Variants in APBA1 observed in about 807,000 individuals in gnomAD.
The protein encoded by APBA1 is amyloid beta precursor protein binding family A member 1.
In APBA1, 55 loss-of-function variants were observed where a neutral mutation model predicts 86.6. That is an observed-to-expected ratio of 0.64 (90% CI 0.51 to 0.80). APBA1 has a LOEUF of 0.80. APBA1 is among the 30% of genes least tolerant of loss of function. APBA1 has a pLI of 0.00. For missense variants in APBA1, 1,090 were observed against 1,183.0 expected (o/e 0.92, Z 1.15); for synonymous variants, 511 against 493.9 (o/e 1.03, Z -0.46).
At chr9:69,564,215 C>T (rs1046934734) in intron 1 of APBA1, among the ~76,000 whole-genome samples, 21 of 152,134 alleles carry the variant, frequency 1.4e-4, no homozygotes, top group Non-Finnish European at 2.8e-4. Context: ...AGAGCAGGGG[C>T]AATTTAATCT....
chr9:69,596,909 A>T (rs2133969800), intron 1 of APBA1, among the ~76,000 whole-genome samples: 1 of 152,328 alleles, frequency 6.6e-6, no homozygotes, highest in African/African-American at 2.4e-5. Context: ...TTGAAAAGTG[A>T]CAGCTGAAAT....
At chr9:69,472,183 GATTT>G (rs1189045694) in intron 3 of APBA1, among the ~76,000 whole-genome samples, 2 of 152,146 alleles carry the variant, frequency 1.3e-5, no homozygotes, top group Admixed American at 6.5e-5. Context: ...ATCTCCTACT[GATTT>G]ATTTTAGTTG....
chr9:69,606,231 T>G (rs540686948), intron 1 of APBA1, among the ~76,000 whole-genome samples: 1 of 152,242 alleles, frequency 6.6e-6, no homozygotes, highest in African/African-American at 2.4e-5. Context: ...GAAACCCAAC[T>G]ATGGCAAATG....
intron 2 of APBA1, among the ~76,000 whole-genome samples, chr9:69,496,430 G>A (rs999066532): frequency 2.6e-5 from 4 of 152,120 alleles, no homozygotes; most frequent in African/African-American, 7.2e-5. Flanking sequence ...ACAATCCACA[G>A]CTGGCAAATC....
At chr9:69,444,284 T>A (rs546278457) in intron 10 of APBA1, among the ~76,000 whole-genome samples, 2 of 152,310 alleles carry the variant, frequency 1.3e-5, no homozygotes, top group African/African-American at 4.8e-5. Context: ...ATGAGTGTGA[T>A]TCTCCCTGGG....
intron 11 of APBA1, among the ~76,000 whole-genome samples, chr9:69,437,214 T>C (rs968329692): frequency 6.6e-6 from 1 of 151,832 alleles, no homozygotes; most frequent in African/African-American, 2.4e-5. Flanking sequence ...TCAATGTTCA[T>C]CAACGATATT....
chr9:69,619,121 A>C (rs1039692128), intron 1 of APBA1, among the ~76,000 whole-genome samples: 1 of 152,214 alleles, frequency 6.6e-6, no homozygotes, highest in Non-Finnish European at 1.5e-5. Context: ...AATGAAACAG[A>C]GTATTTGTTA....
At chr9:69,592,323 G>A (rs1436913654) in intron 1 of APBA1, among the ~76,000 whole-genome samples, 2 of 152,214 alleles carry the variant, frequency 1.3e-5, no homozygotes, top group African/African-American at 4.8e-5. Context: ...CCAGACAGAA[G>A]CAGTGGCTCT....
chr9:69,510,279 A>G (rs200246162), intron 2 of APBA1, among the ~76,000 whole-genome samples: 22 of 146,852 alleles, frequency 1.5e-4, no homozygotes, highest in Admixed American at 2.8e-4. Flanking sequence ...CACCAATAAC[A>G]GACAAACAGA....
intron 1 of APBA1, among the ~76,000 whole-genome samples, chr9:69,669,322 T>A (rs1823901411): frequency 6.6e-6 from 1 of 152,170 alleles, no homozygotes; most frequent in African/African-American, 2.4e-5. Flanking sequence ...AAATATCTCT[T>A]ACCCCTAAGT....
intron 9 of APBA1, among the ~76,000 whole-genome samples, chr9:69,451,521 G>GT (rs1835008997): frequency 6.6e-6 from 1 of 152,026 alleles, no homozygotes; most frequent in Admixed American, 6.6e-5. Flanking sequence ...TAGCCAAACC[G>GT]TATTTCCTCA....
chr9:69,558,323 A>T (rs1283629917), intron 1 of APBA1, among the ~76,000 whole-genome samples: 1 of 152,104 alleles, frequency 6.6e-6, no homozygotes, highest in Non-Finnish European at 1.5e-5. Flanking sequence ...TTAATAAATT[A>T]TACTTATATT....
chr9:69,532,773 C>T (rs1345794008), intron 1 of APBA1, among the ~76,000 whole-genome samples: 1 of 152,180 alleles, frequency 6.6e-6, no homozygotes. Context: ...GAAAATCACA[C>T]TTCTAAGTAG....
At chr9:69,482,113 G>T (rs1433264709) in intron 2 of APBA1, among the ~76,000 whole-genome samples, 2 of 151,648 alleles carry the variant, frequency 1.3e-5, no homozygotes, top group Non-Finnish European at 2.9e-5. Flanking sequence ...AAGCCAAAAT[G>T]GACAAATGGG....
chr9:69,672,985 A>T (rs1422943183), upstream of APBA1: 1 of 152,284 alleles, frequency 6.6e-6, no homozygotes, highest in Non-Finnish European at 1.5e-5. Context: ...CCTGCGCTTC[A>T]AATTCGGAGA....
intron 1 of APBA1, among the ~76,000 whole-genome samples, chr9:69,524,521 A>T (rs568976403): frequency 1.3e-5 from 2 of 152,156 alleles, no homozygotes; most frequent in East Asian, 3.9e-4. Context: ...CTCTCCAAAA[A>T]TTGAATCAGA....
chr9:69,541,012 G>GT (rs1213648162), intron 1 of APBA1, among the ~76,000 whole-genome samples: 1 of 152,132 alleles, frequency 6.6e-6, no homozygotes. Context: ...ATGTTGTCAC[G>GT]TATCACAGGA....
intron 5 of APBA1, chr9:69,462,452 T>G (rs1297914332): frequency 6.6e-6 from 1 of 152,140 alleles, no homozygotes; most frequent in East Asian, 1.9e-4. Context: ...TGACAGCACA[T>G]AGGACAAAGC....
intron 1 of APBA1, among the ~76,000 whole-genome samples, chr9:69,658,276 C>CTTT (rs754704287): frequency 1.3e-5 from 1 of 79,130 alleles, no homozygotes; most frequent in Non-Finnish European, 2.8e-5. Flanking sequence ...TTCTTTCTTT[C>CTTT]TTTCTTTCTC....
Sources: gnomAD v4.1 joint callset for allele counts (sites outside exome capture counted in the v4.1 genomes callset) on GRCh38, gnomAD v4.1.1 for gene constraint, MANE v1.5 for transcripts, NCBI Gene and HGNC (gene_info 2026-07-23, HGNC 2026-07-21) for gene names.